MBP: variants seen among roughly 807,000 people sequenced by gnomAD.
The protein encoded by MBP is myelin basic protein, also known as Golli-MBP.
A neutral mutation model predicts 35.8 loss-of-function variants in MBP; 16 were observed. The ratio of observed to expected loss-of-function variants is 0.45; its 90% CI spans 0.30 to 0.68. The LOEUF (loss-of-function observed/expected upper bound fraction) is 0.68, where lower values mean the gene tolerates loss of function less well. Ranked by LOEUF, MBP falls within the 30% of genes least tolerant of loss-of-function variation. MBP has a pLI of 0.08. For synonymous variants in MBP, 143 were observed against 159.6 expected, an observed-to-expected ratio of 0.90 and a Z score of 0.78; for missense variants, 380 against 404.7, an observed-to-expected ratio of 0.94 and a Z score of 0.52.
intron 3 of MBP, among the ~76,000 whole-genome samples, chr18:77,035,708 C>T (rs1972740714): frequency 6.6e-6 from 1 of 152,192 alleles, no homozygotes; most frequent in Non-Finnish European, 1.5e-5. Flanking sequence ...ATTAAATACA[C>T]TGCTGGAGCT....
chr18:77,127,873 A>T (rs939421238), intron 1 of MBP: 2 of 151,920 alleles, frequency 1.3e-5, no homozygotes, highest in Non-Finnish European at 2.9e-5. Context: ...AAAAAAAAAA[A>T]TAGTGGCAAT....
intron 1 of MBP, among the ~76,000 whole-genome samples, chr18:77,118,184 TG>T (rs1178544124): frequency 2.5e-4 from 2 of 7,852 alleles, no homozygotes; most frequent in East Asian, 4.2e-3. Context: ...TGGGGTGGGA[TG>T]GGGGACAGTG....
chr18:77,048,555 G>A (rs1033632791), intron 3 of MBP, among the ~76,000 whole-genome samples: 3 of 20,956 alleles, frequency 1.4e-4, no homozygotes, highest in Admixed American at 6.2e-4. Flanking sequence ...TGCAACCTCC[G>A]CCTCCTGGGT....
intron 3 of MBP, among the ~76,000 whole-genome samples, chr18:77,055,366 G>A (rs1036104042): frequency 2.0e-5 from 3 of 152,174 alleles, no homozygotes; most frequent in African/African-American, 7.2e-5. Flanking sequence ...TAAACTTCTA[G>A]AACCCACATC....
chr18:77,048,807 CTG>C (rs1285600942), intron 3 of MBP, among the ~76,000 whole-genome samples: 2 of 152,148 alleles, frequency 1.3e-5, no homozygotes, highest in African/African-American at 2.4e-5. Flanking sequence ...GATGGAAAAA[CTG>C]AGGATCAAAG....
intron 7 of MBP, chr18:76,986,740 TC>T: frequency 1.0e-6 from 1 of 985,502 alleles, no homozygotes; most frequent in South Asian, 4.7e-5. Context: ...GAAAGCCACT[TC>T]CCTGCAAGCG....
At chr18:77,037,315 G>T (rs1054815106) in intron 3 of MBP, among the ~76,000 whole-genome samples, 3 of 152,050 alleles carry the variant, frequency 2.0e-5, no homozygotes, top group Non-Finnish European at 2.9e-5. Flanking sequence ...AGCTGAGCAA[G>T]TGCTGGTCAC....
At chr18:77,112,876 T>C (rs1221222623) in intron 1 of MBP, 1 of 152,188 alleles carries the variant, frequency 6.6e-6, no homozygotes, top group African/African-American at 2.4e-5. Flanking sequence ...CAAGTTAAGA[T>C]GAGGTCATCC....
chr18:76,979,267 TAAG>T lies in MBP; in HGVS notation c.*1157_*1159del, dbSNP rs1361573609. On this transcript the variant is annotated 3_prime_UTR_variant, in exon 9 of 9. Transcript: ENST00000355994. ...CGCGAAAGGAGATGCCAGCGGGTGT[TAAG>T]AAGGATATGGTCAGAAGAGCTCTTT... is the stretch of plus-strand genomic sequence containing the variant. 2 of 151,334 alleles carry T rather than the reference TAAG, an allele frequency of 1.3e-5. No homozygotes were observed. The highest frequency in any genetic ancestry group is 4.9e-5 in the African/African-American group (2 of 41,114). The allele number at this position is 151,334 out of a possible 1,614,324, so 9.4% of individuals were successfully genotyped here.
Position 77,101,611 on chromosome 18 carries a change from C to A in MBP, c.51+3600G>T, listed in dbSNP as rs965376996. ...TGGCTCAACCACTTGTTACCAGGGA[C>A]CTGCACCCCATATGAGTGGACTAAC... On this transcript the variant is annotated intron_variant, in intron 2 of 8. Coordinates refer to ENST00000355994, the MANE Select transcript of MBP (RefSeq NM_001025101.2). This position sits in a 1 kb window ranked among gnomAD's most constrained non-coding sequence, Gnocchi z 4.3. Among the ~76,000 whole-genome samples the A allele has an allele frequency of 4.6e-5, 7 of 152,210 alleles. No homozygotes were observed. The highest frequency in any genetic ancestry group is 1.4e-4 in the African/African-American group (6 of 41,452).
chr18:76,984,408 G>T, intron 8 of MBP: 1 of 247,354 alleles, frequency 4.0e-6, no homozygotes, highest in Non-Finnish European at 8.0e-6. Context: ...ATCTCCCCCC[G>T]ACACCCACGT....
chr18:77,085,295 G>T lies in MBP; in HGVS notation c.52-18910C>A, dbSNP rs560523888. ...GTCCTATAATGCAGATGTGGTAGAA[G>T]GGCAATAGGTCAAATATACAAAGAA... On this transcript the variant is annotated intron_variant, in intron 2 of 8. Transcript: ENST00000355994. Among the ~76,000 whole-genome samples, 107 of 152,264 alleles carry T rather than the reference G, an allele frequency of 7.0e-4. 1 individual carries two copies. Among genetic ancestry groups the T allele is most frequent in the African/African-American group, 2.5e-3 (104 of 41,546 alleles).
intron 2 of MBP, among the ~76,000 whole-genome samples, chr18:77,081,239 C>G (rs1224562669): frequency 6.6e-6 from 1 of 152,146 alleles, no homozygotes; most frequent in African/African-American, 2.4e-5. Flanking sequence ...CATGGAGAAC[C>G]TTTGACACTG....
intron 3 of MBP, among the ~76,000 whole-genome samples, chr18:77,060,924 C>G (rs1025256975): frequency 6.6e-6 from 1 of 152,230 alleles, no homozygotes; most frequent in Non-Finnish European, 1.5e-5. Context: ...TCTGTCTTCT[C>G]TTGAGGCTGC....
intron 1 of MBP, among the ~76,000 whole-genome samples, chr18:77,119,906 G>GCTT (rs1976837041): frequency 6.6e-6 from 1 of 152,180 alleles, no homozygotes; most frequent in South Asian, 2.1e-4. Flanking sequence ...GTCCCCAGGA[G>GCTT]ACAGAGAGGG....
At chr18:77,040,433 T>TA (rs1972946071) in intron 3 of MBP, among the ~76,000 whole-genome samples, 1 of 152,166 alleles carries the variant, frequency 6.6e-6, no homozygotes, top group African/African-American at 2.4e-5. Context: ...AAAACTACTT[T>TA]AAAGTTCATA....
chr18:77,041,183 A>G (rs1972975037), intron 3 of MBP, among the ~76,000 whole-genome samples: 1 of 152,266 alleles, frequency 6.6e-6, no homozygotes. Flanking sequence ...AAAAATGCTC[A>G]TCATCACTGG....
chr18:76,990,760 TA>T (rs1969857425), intron 4 of MBP: 1 of 204,884 alleles, frequency 4.9e-6, no homozygotes. Flanking sequence ...TTGACAGGTG[TA>T]CAACTAGTGA....
chr18:77,099,376 CCTAGAGTGTGAGGA>C (rs11273645), intron 2 of MBP, among the ~76,000 whole-genome samples: 4,091 of 152,238 alleles, frequency 0.027, 164 homozygotes, highest in African/African-American at 0.092. Flanking sequence ...TAAAATATAT[CCTAGAGTGTGAGGA>C]CTTCATGGGA....
Sources: allele counts gnomAD v4.1 joint callset (sites outside exome capture counted in the v4.1 genomes callset), GRCh38; gene constraint gnomAD v4.1.1; non-coding constraint Gnocchi (gnomAD v3.1); transcripts MANE v1.5; gene names NCBI Gene and HGNC (gene_info 2026-07-23, HGNC 2026-07-21).